Variants in UBA52 observed in about 807,000 individuals in gnomAD.
UBA52 encodes the protein ubiquitin A-52 residue ribosomal protein fusion product 1.
In UBA52, 1 loss-of-function variant was observed where a neutral mutation model predicts 15.3. That is an observed-to-expected ratio of 0.07 (90% confidence interval 0.02 to 0.31). UBA52 has a LOEUF of 0.31. Ranked by LOEUF, UBA52 falls within the 10% of genes least tolerant of loss-of-function variation. The pLI is 1.00. For synonymous variants in UBA52, 50 were observed against 58.3 expected, an observed-to-expected ratio of 0.86 and a Z score of 0.65; for missense variants, 87 against 168.0, an observed-to-expected ratio of 0.52 and a Z score of 2.66.
At chr19:18,563,799 G>A in the UBA52 span, among the ~76,000 whole-genome samples, 5 of 151,990 alleles carry the variant, frequency 3.3e-5, no homozygotes, top group Non-Finnish European at 4.4e-5. Flanking sequence ...ACCGTGCCCG[G>A]CCCTGATTTT....
At position 18,575,123 on chromosome 19, in the gene UBA52, C is replaced by T. The variant is rs1975725390; in HGVS notation, c.360C>T (p.Asn120=). 1.9e-6 allele frequency: 3 copies of T among 1,614,200 alleles called. No individual in the cohort carries two copies. The highest frequency in any genetic ancestry group is 2.5e-6 in the Non-Finnish European group (3 of 1,180,046). ...CRKKKCGHTN[N]LRPKKKVK Reference sequence around the variant, plus strand: ...AGAAGAAGTGTGGTCACACCAACAACCTGCGTCCCAAGAAGAAGGTCAAAT... The same window carrying T: ...AGAAGAAGTGTGGTCACACCAACAATCTGCGTCCCAAGAAGAAGGTCAAAT... Residue 120 remains asparagine, a synonymous_variant, in exon 5 of 5, where the codon AAC becomes AAT. Coordinates refer to ENST00000442744, the MANE Select transcript of UBA52 (RefSeq NM_001033930.3).
rs1975735094 is a variant in UBA52, at chr19:18,575,279, T to C, written c.*129T>C. The C allele has an allele frequency of 8.8e-7, 1 of 1,133,400 alleles. No homozygotes were observed. Among genetic ancestry groups the C allele is most frequent in the Non-Finnish European group, 1.3e-6 (1 of 788,784 alleles). 70.2% of individuals were successfully genotyped at this position (1,133,400 alleles called of 1,614,324 possible). ...TGGCTGATCTGTCCAGGGAGGTGGC[T>C]GAAGAGTGGGCATCTCCCTTAGGGA... On this transcript the variant is annotated 3_prime_UTR_variant, in exon 5 of 5. Coordinates refer to ENST00000442744, the MANE Select transcript of UBA52 (RefSeq NM_001033930.3).
upstream of UBA52, chr19:18,567,215 C>G: frequency 6.2e-7 from 1 of 1,607,504 alleles, no homozygotes; most frequent in Non-Finnish European, 8.5e-7. Flanking sequence ...CCGAGCACGT[C>G]AGCACTCTCC....
chr19:18,568,625 C>A (rs147166153), upstream of UBA52: 41 of 1,608,476 alleles, frequency 2.5e-5, no homozygotes, highest in Non-Finnish European at 3.2e-5. Flanking sequence ...AGATGACGGG[C>A]GAATAGCCCT....
chr19:18,569,672 A>G (rs187734707), upstream of UBA52, among the ~76,000 whole-genome samples: 1,373 of 150,788 alleles, frequency 9.1e-3, 28 homozygotes, highest in African/African-American at 0.031. Context: ...CAGATAGGGG[A>G]GCCACACTAG....
chr19:18,565,070 C>T, the UBA52 span: 48 of 1,587,032 alleles, frequency 3.0e-5, no homozygotes, highest in Non-Finnish European at 4.0e-5. Flanking sequence ...CCTCCACCTC[C>T]CCATCTGAGC....
rs1217900873 is a variant in UBA52 at position 18,577,225 on chromosome 19, AC to A, written c.*2080del. 6.6e-6 allele frequency: 1 copy of A among 151,654 alleles called. No homozygotes were observed. Among genetic ancestry groups the A allele is most frequent in the East Asian group, 1.9e-4 (1 of 5,176 alleles). The allele number at this position is 151,654 out of a possible 1,614,324, so 9.4% of individuals were successfully genotyped here. On this transcript the variant is annotated 3_prime_UTR_variant, in exon 5 of 5. Transcript: ENST00000442744. Reference sequence around the variant, plus strand: ...GCCAGTTTGGGGACTTTCACAAAAGACCCCCATGACTCAGGGTTTTGAGTTC... The same window carrying A: ...GCCAGTTTGGGGACTTTCACAAAAGACCCCATGACTCAGGGTTTTGAGTTC...
chr19:18,576,299 C>T lies in UBA52; in HGVS notation c.*1149C>T, dbSNP rs556246507. The T allele has an allele frequency of 3.3e-5, 5 of 152,446 alleles. No homozygotes were observed. Among genetic ancestry groups the T allele is most frequent in the Admixed American group, 3.3e-4 (5 of 15,300 alleles). The allele number at this position is 152,446 out of a possible 1,614,324, so 9.4% of individuals were successfully genotyped here. A position where few individuals can be genotyped will look rare whatever the true frequency, so the allele number is the denominator to read the frequency against. On this transcript the variant is annotated 3_prime_UTR_variant, in exon 5 of 5. Transcript: ENST00000442744. ...GACTACAGGTGTGCACCCACCACCA[C>T]ACTCAGATAATTGCTTTGGTGTTTT...
At chr19:18,567,213 G>A (rs752778312), upstream of UBA52, 10 of 1,609,714 alleles carry the variant, frequency 6.2e-6, no homozygotes, top group Admixed American at 6.7e-5. Flanking sequence ...TCCCGAGCAC[G>A]TCAGCACTCT....
chr19:18,567,876 G>A (rs992293504), upstream of UBA52, among the ~76,000 whole-genome samples: 1 of 152,174 alleles, frequency 6.6e-6, no homozygotes, highest in Admixed American at 6.5e-5. Flanking sequence ...CAGGGCTCCT[G>A]TAGGCCTAAC....
At chr19:18,565,068 TCC>T in the UBA52 span, 1 of 1,587,494 alleles carries the variant, frequency 6.3e-7, no homozygotes. Flanking sequence ...TGCCTCCACC[TCC>T]CCATCTGAGC....
intron 4 of UBA52, 26 bp downstream of exon 4, chr19:18,574,998 G>A (rs775090353): frequency 1.2e-6 from 2 of 1,614,176 alleles, no homozygotes; most frequent in East Asian, 2.2e-5. Flanking sequence ...TGCTTGGGGG[G>A]CTGTGGGGGC....
chr19:18,571,452 T>C (rs1975476044), upstream of UBA52, among the ~76,000 whole-genome samples: 1 of 152,190 alleles, frequency 6.6e-6, no homozygotes, highest in African/African-American at 2.4e-5. Context: ...CCGAGAGCTT[T>C]ATAATAACCG....
In UBA52 at chr19:18,573,745, A is replaced by G; in HGVS notation, c.187A>G (p.Lys63Glu). The change falls in exon 3 of 5, where the codon AAA becomes GAA. Residue 63 changes from lysine to glutamate, a missense_variant. Transcript: ENST00000442744. ...CACTCTCTCAGACTACAACATCCAG[A>G]AAGGTACCGGGGTTGGGGTTGCTGG... ...GRTLSDYNIQ[K>E]ESTLHLVLRL... The G allele has an allele frequency of 1.2e-6, 2 of 1,614,126 alleles. No homozygotes were observed. Among genetic ancestry groups the G allele is most frequent in the Non-Finnish European group, 1.7e-6 (2 of 1,180,000 alleles).
chr19:18,569,247 C>G (rs1234204290), upstream of UBA52: 1 of 152,938 alleles, frequency 6.5e-6, no homozygotes, highest in Non-Finnish European at 1.5e-5. Context: ...GCCAGCAGGC[C>G]TCTCTGAAGG....
rs745889986 is a variant in UBA52 at position 18,573,782 on chromosome 19, A to G, written c.190+34A>G. On this transcript the variant is annotated intron_variant, in intron 3 of 4. Coordinates refer to ENST00000442744, the MANE Select transcript of UBA52 (RefSeq NM_001033930.3). ...GTTGGGGTTGCTGGGCAGGGACCCAAGATCCCCAGGTCCTAGGAAAGGAGC... is the reference window on the plus strand; with the variant it reads ...GTTGGGGTTGCTGGGCAGGGACCCAGGATCCCCAGGTCCTAGGAAAGGAGC... 36 of 1,601,434 alleles carry G rather than the reference A, an allele frequency of 2.2e-5. No individual in the cohort carries two copies. In the South Asian group the frequency reaches 3.5e-4, roughly 16 times the overall value.
upstream of UBA52, among the ~76,000 whole-genome samples, chr19:18,567,959 C>T (rs1172244073): frequency 6.6e-6 from 1 of 152,152 alleles, no homozygotes. Flanking sequence ...CAGTTTTCTC[C>T]TCTACAAAAT....
intron 1 of UBA52, 36 bp from the exon 2 acceptor site, chr19:18,573,257 G>A: frequency 1.3e-6 from 2 of 1,594,180 alleles, no homozygotes; most frequent in South Asian, 1.1e-5. Flanking sequence ...GGCATGCATT[G>A]CTCACCAGTC....
the UBA52 span, among the ~76,000 whole-genome samples, chr19:18,565,571 T>C: frequency 1.3e-5 from 2 of 152,160 alleles, no homozygotes; most frequent in African/African-American, 2.4e-5. Context: ...TGGAGTGCAG[T>C]GGCGTGATCT....
Sources: gnomAD v4.1 joint callset for allele counts (sites outside exome capture counted in the v4.1 genomes callset) on GRCh38, gnomAD v4.1.1 for gene constraint, MANE v1.5 for transcripts, NCBI Gene and HGNC (gene_info 2026-07-23, HGNC 2026-07-21) for gene names.